Variants in CTBP2 observed in about 807,000 individuals in gnomAD.
CTBP2 encodes C-terminal binding protein 2, also known as C-terminal-binding protein 2.
In CTBP2, 30 loss-of-function variants were observed where a neutral mutation model predicts 80.3. The ratio of observed to expected loss-of-function variants is 0.37; its 90% confidence interval spans 0.28 to 0.51. The LOEUF (loss-of-function observed/expected upper bound fraction) is 0.51. Ranked by LOEUF, CTBP2 falls within the 20% of genes least tolerant of loss-of-function variation. The probability of loss-of-function intolerance (pLI) is 0.93; values close to 1 mark genes in which losing one functional copy is unlikely to be tolerated. For synonymous variants in CTBP2, 594 were observed against 587.4 expected (o/e 1.01, Z -0.16); for missense variants, 1,212 against 1,375.3 (o/e 0.88, Z 1.88).
At chr10:125,011,651 C>T (rs1232306536) in intron 1 of CTBP2, among the ~76,000 whole-genome samples, 6 of 152,234 alleles carry the variant, frequency 3.9e-5, no homozygotes, top group East Asian at 1.9e-4. Flanking sequence ...AAGACAAGCA[C>T]GTGCAGTCAC....
At chr10:124,998,259 C>T (rs1299148639) in intron 3 of CTBP2, 89 bp from the exon 6 acceptor site, 24 of 1,419,700 alleles carry the variant, frequency 1.7e-5, no homozygotes, top group Admixed American at 6.2e-5. Context: ...TCCTGAGACT[C>T]GGTTGTTGGC....
In CTBP2 at chr10:125,050,189, C is replaced by T. The variant is rs533108877; in HGVS notation, c.-101-11034G>A. On this transcript the variant is annotated intron_variant, in intron 2 of 10. Coordinates refer to the CTBP2 transcript ENST00000337195. ...TTACAAGTATACACATTCCATAATG[C>T]GTCTCTATCACCAAAAGCCGCTCTG... Among the ~76,000 whole-genome samples the T allele has an allele frequency of 3.2e-4, 49 of 152,274 alleles. No individual in the cohort carries two copies. In the South Asian group the frequency reaches 9.3e-3, roughly 29 times the overall value.
chr10:125,027,700 C>T lies in CTBP2; in HGVS notation c.60G>A (p.Gly20=). The change falls in exon 1 of 9, where the codon GGG becomes GGA. Residue 20 remains glycine, a synonymous_variant. Transcript: ENST00000309035. The stretch of plus-strand genomic sequence containing the variant: ...CGTTCTCCCAGGGGCCCTCGTACCA[C>T]CCAGCAGCATCCCAGCTCTGAGAAC... 6.2e-7 allele frequency: 1 copy of T among 1,613,522 alleles called. No homozygotes were observed. The highest frequency in any genetic ancestry group is 8.5e-7 in the Non-Finnish European group (1 of 1,179,722).
chr10:125,103,173 C>A (rs1166669533), intron 2 of CTBP2, among the ~76,000 whole-genome samples: 1 of 152,184 alleles, frequency 6.6e-6, no homozygotes, highest in Non-Finnish European at 1.5e-5. Flanking sequence ...AGAAAACACT[C>A]CCAGCTAACA....
Position 125,026,684 on chromosome 10 carries a change from T to C in CTBP2, c.1076A>G (p.Asp359Gly), listed in dbSNP as rs1288698739. The change falls in exon 1 of 9, where the codon GAC becomes GGC. Residue 359 changes from aspartate (D) to glycine (G), a missense_variant. By Grantham distance (94) the Asp-to-Gly change is moderately conservative. Coordinates refer to ENST00000309035, the MANE Select transcript of CTBP2 (RefSeq NM_022802.3). ...CGCCCGGGGCAGCGGGCCCCCCCGGTCCTGCCTCCGCAGCTGCATTTCGGT... is the reference window on the plus strand; with the variant it reads ...CGCCCGGGGCAGCGGGCCCCCCCGGCCCTGCCTCCGCAGCTGCATTTCGGT... 6.2e-7 allele frequency: 1 copy of C among 1,609,894 alleles called. No homozygotes were observed. The highest frequency in any genetic ancestry group is 2.2e-5 in the East Asian group (1 of 44,720).
chr10:125,124,435 C>T (rs1281661216), intron 1 of CTBP2, among the ~76,000 whole-genome samples: 4 of 145,392 alleles, frequency 2.8e-5, no homozygotes, highest in Non-Finnish European at 4.5e-5. Flanking sequence ...TCAGTTCATT[C>T]GACAATTTAC....
At chr10:125,044,535 G>C (rs1351952140) in intron 2 of CTBP2, among the ~76,000 whole-genome samples, 1 of 152,270 alleles carries the variant, frequency 6.6e-6, no homozygotes, top group East Asian at 1.9e-4. Flanking sequence ...TTCTTAGGAA[G>C]AGAGCTGGGT....
chr10:124,985,086 G>C lies in CTBP2; in HGVS notation c.*4432C>G. On this transcript the variant is annotated 3_prime_UTR_variant, in exon 9 of 9. Transcript: ENST00000309035. Reference sequence around the variant, plus strand: ...CCAAGCAGAGTCGACATCATGGAATGAACCAAATCTGGCAGGATCTGCTCG... The same window carrying C: ...CCAAGCAGAGTCGACATCATGGAATCAACCAAATCTGGCAGGATCTGCTCG... 1.0e-6 allele frequency: 1 copy of C among 1,004,286 alleles called. No homozygotes were observed. The allele number at this position is 1,004,286 out of a possible 1,614,324, so 62.2% of individuals were successfully genotyped here.
In CTBP2 at chr10:125,002,306, A is replaced by G. The variant is rs371868404; in HGVS notation, c.1978+654T>C. On this transcript the variant is annotated intron_variant, in intron 3 of 8. Transcript: ENST00000309035. Reference sequence around the variant, plus strand: ...CTGCACTCAGCACTCACGAGCTCACACGGGGTGCTGGGCAGAGGCCCCCCT... The same window carrying G: ...CTGCACTCAGCACTCACGAGCTCACGCGGGGTGCTGGGCAGAGGCCCCCCT... 8.2e-3 allele frequency among the ~76,000 whole-genome samples: 1,241 copies of G among 152,236 alleles called. 14 individuals are homozygous for G. The highest frequency in any genetic ancestry group is 0.029 in the African/African-American group (1,205 of 41,534).
chr10:125,116,827 C>A (rs74394465), intron 1 of CTBP2, among the ~76,000 whole-genome samples: 282 of 152,320 alleles, frequency 1.9e-3, no homozygotes, highest in Non-Finnish European at 3.4e-3. Flanking sequence ...ATTTCAAGTT[C>A]AAGGGCAGCG....
rs146100333 is a variant in CTBP2 at position 125,130,786 on chromosome 10, C to T, written c.-205-19693G>A. Among the ~76,000 whole-genome samples the T allele has an allele frequency of 1.1e-4, 17 of 152,244 alleles. No homozygotes were observed. The East Asian group carries it at 2.7e-3, about 24-fold the overall frequency. ...GTACTGCCAGACAAGACTAGCGGAA[C>T]TCTAACTCCCAGGTTGCCTTGATCT... On this transcript the variant is annotated intron_variant, in intron 1 of 10. Transcript: ENST00000337195.
intron 2 of CTBP2, among the ~76,000 whole-genome samples, chr10:125,106,019 A>C (rs1208429677): frequency 6.6e-6 from 1 of 152,102 alleles, no homozygotes; most frequent in Non-Finnish European, 1.5e-5. Context: ...ACACGCTCCA[A>C]GCCTCAGAGA....
At chr10:125,063,518 C>T (rs149939797) in intron 2 of CTBP2, among the ~76,000 whole-genome samples, 213 of 152,284 alleles carry the variant, frequency 1.4e-3, no homozygotes, top group Non-Finnish European at 2.5e-3. Context: ...GTGGCAAAAC[C>T]GTTAAGTTTC....
At chr10:125,079,427 T>C (rs1469594582) in intron 2 of CTBP2, among the ~76,000 whole-genome samples, 2 of 152,190 alleles carry the variant, frequency 1.3e-5, no homozygotes, top group Non-Finnish European at 2.9e-5. Flanking sequence ...CCTTCCAAAC[T>C]TAAAATCTAG....
intron 1 of CTBP2, among the ~76,000 whole-genome samples, chr10:125,004,715 T>TCC (rs1037693545): frequency 2.6e-5 from 4 of 151,894 alleles, no homozygotes. Context: ...CCCCATCCCC[T>TCC]CCCTCCCTCT....
rs56714830 is a variant in CTBP2 at position 125,090,285 on chromosome 10, C to CAAAAAAAAA, written c.-102+20696_-102+20704dup. ...TCTGGGCGACAGAGAGTCCCTGGCTCAAAAAAAAAAAAAAAAAGGTTGGGG... is the reference window on the plus strand; with the variant it reads ...TCTGGGCGACAGAGAGTCCCTGGCTCAAAAAAAAAAAAAAAAAAAAAAAAAAGGTTGGGG... On this transcript the variant is annotated intron_variant, in intron 2 of 10. Transcript: ENST00000337195. Among the ~76,000 whole-genome samples the CAAAAAAAAA allele has an allele frequency of 3.1e-3, 201 of 65,378 alleles. 10 individuals are homozygous for CAAAAAAAAA. The highest frequency in any genetic ancestry group is 0.011 in the African/African-American group (155 of 14,458). 42.9% of individuals were successfully genotyped at this position (65,378 alleles called of 152,430 possible).
At chr10:125,036,666 GGGGTGTGTGTGTGTGT>G (rs1351977876) in intron 3 of CTBP2, among the ~76,000 whole-genome samples, 78 of 100,324 alleles carry the variant, frequency 7.8e-4, no homozygotes, top group African/African-American at 3.2e-3. Flanking sequence ...AAAGCTAGAG[GGGGTGTGTGTGTGTGT>G]GTGTGTGTGT....
intron 2 of CTBP2, among the ~76,000 whole-genome samples, chr10:125,093,428 A>T (rs1425700902): frequency 1.3e-5 from 2 of 152,196 alleles, no homozygotes; most frequent in Non-Finnish European, 2.9e-5. Flanking sequence ...AGCAGGTCCT[A>T]TTTTGGGCAG....
intron 2 of CTBP2, among the ~76,000 whole-genome samples, chr10:125,094,469 C>T (rs1323115691): frequency 6.6e-6 from 1 of 152,220 alleles, no homozygotes; most frequent in African/African-American, 2.4e-5. Flanking sequence ...GGGTTACGCA[C>T]CTCAGGGAGG....
Sources: gnomAD v4.1 joint callset for allele counts (sites outside exome capture counted in the v4.1 genomes callset) on GRCh38, gnomAD v4.1.1 for gene constraint, MANE v1.5 for transcripts, NCBI Gene and HGNC (gene_info 2026-07-23, HGNC 2026-07-21) for gene names.